The following KDM4C variants were observed in gnomAD, a reference collection of about 807,000 sequenced individuals.
The protein encoded by KDM4C is lysine-specific demethylase 4C.
KDM4C carries 81 observed loss-of-function variants against 129.3 expected under a neutral mutation model. That is an observed-to-expected ratio of 0.63 (90% confidence interval 0.52 to 0.75). The LOEUF (loss-of-function observed/expected upper bound fraction) is 0.75. Among genes scored for constraint, KDM4C ranks in the 30% least tolerant of loss-of-function variants. The pLI, the probability that KDM4C is intolerant of heterozygous loss-of-function variation, is 0.00. For synonymous variants in KDM4C, 573 were observed against 456.1 expected, an observed-to-expected ratio of 1.26 and a Z score of -3.26; for missense variants, 1,457 against 1,304.0, an observed-to-expected ratio of 1.12 and a Z score of -1.81.
chr9:6,910,167 C>T (rs1934587315), intron 8 of KDM4C, among the ~76,000 whole-genome samples: 1 of 151,938 alleles, frequency 6.6e-6, no homozygotes, highest in Non-Finnish European at 1.5e-5. Flanking sequence ...CCTTCAGATG[C>T]CATGAGGTTA....
In KDM4C at chr9:7,165,245, ACTGT is replaced by A. The variant is rs1281043847; in HGVS notation, c.2793_2796del (p.Cys931Ter). On this transcript the variant is annotated frameshift_variant, in exon 20 of 22. Coordinates refer to ENST00000381309, the MANE Select transcript of KDM4C (RefSeq NM_015061.6). LOFTEE classifies it high-confidence loss of function. The stretch of plus-strand genomic sequence containing the variant: ...TCTCTGTTTATTCTGCAGAGCCGAG[ACTGT>A]CTGAAGCTGGGCCCACCTGCTGAGG... 1 of 1,614,000 alleles carries A rather than the reference ACTGT, an allele frequency of 6.2e-7. No homozygotes were observed. The highest frequency in any genetic ancestry group is 8.5e-7 in the Non-Finnish European group (1 of 1,180,018).
intron 19 of KDM4C, among the ~76,000 whole-genome samples, chr9:7,140,078 GATCTT>G (rs1841587604): frequency 6.6e-6 from 1 of 152,164 alleles, no homozygotes; most frequent in African/African-American, 2.4e-5. Context: ...TCACTCCTGA[GATCTT>G]ATCCAGAAGC....
chr9:7,119,474 C>T (rs1323803726), intron 18 of KDM4C, among the ~76,000 whole-genome samples: 1 of 151,994 alleles, frequency 6.6e-6, no homozygotes, highest in African/African-American at 2.4e-5. Flanking sequence ...ATCATATTAC[C>T]ATTTTAACAG....
chr9:6,752,430 G>A (rs1396684861), intron 1 of KDM4C, among the ~76,000 whole-genome samples: 3 of 140,736 alleles, frequency 2.1e-5, no homozygotes, highest in African/African-American at 5.3e-5. Context: ...TTTTTTTTCC[G>A]GTGGAGTTTC....
At chr9:6,809,884 G>T (rs1213009200) in intron 3 of KDM4C, among the ~76,000 whole-genome samples, 2 of 152,030 alleles carry the variant, frequency 1.3e-5, no homozygotes, top group Non-Finnish European at 2.9e-5. Context: ...GTAGTCTCAG[G>T]TACTCAGGAG....
chr9:7,154,583 C>G (rs1314543021), intron 19 of KDM4C, among the ~76,000 whole-genome samples: 1 of 152,174 alleles, frequency 6.6e-6, no homozygotes, highest in Non-Finnish European at 1.5e-5. Flanking sequence ...ATCAGACTGG[C>G]AGATGAATTT....
chr9:6,790,826 G>A (rs1266252818), intron 1 of KDM4C, among the ~76,000 whole-genome samples: 1 of 152,104 alleles, frequency 6.6e-6, no homozygotes, highest in African/African-American at 2.4e-5. Context: ...CTGTGTGCCT[G>A]TCTCATGATA....
intron 4 of KDM4C, among the ~76,000 whole-genome samples, chr9:6,842,547 C>A (rs1220749088): frequency 6.6e-5 from 10 of 151,846 alleles, no homozygotes; most frequent in Non-Finnish European, 5.9e-5. Flanking sequence ...CCATGTTGAC[C>A]AGGGTAGTCT....
chr9:6,738,949 G>A (rs752938879), intron 1 of KDM4C, among the ~76,000 whole-genome samples: 3 of 151,748 alleles, frequency 2.0e-5, no homozygotes, highest in Non-Finnish European at 4.4e-5. Context: ...GGCTGGTCTC[G>A]AAATCCTGGG....
intron 17 of KDM4C, chr9:7,076,877 A>G: frequency 1.0e-6 from 1 of 995,706 alleles, no homozygotes; most frequent in Non-Finnish European, 1.2e-6. Flanking sequence ...AATGATTTGG[A>G]TGCATCCTGA....
At chr9:7,000,275 T>C (rs1361843288) in intron 12 of KDM4C, among the ~76,000 whole-genome samples, 1 of 152,208 alleles carries the variant, frequency 6.6e-6, no homozygotes, top group African/African-American at 2.4e-5. Flanking sequence ...GCTAGTGGCT[T>C]GGTCAGGTTT....
rs1386971628 is a variant in KDM4C at position 6,981,113 on chromosome 9, C to T, written c.1110C>T (p.Ser370=). The change falls in exon 9 of 22, where the codon TCC becomes TCT. Residue 370 remains serine (S), a synonymous_variant. Coordinates refer to ENST00000381309, the MANE Select transcript of KDM4C (RefSeq NM_015061.6). ...GGAGGAGGAAAGTAAGAAAAGCATC[C>T]CGAAGGTAATGACCCCTCACCCCAC... is the stretch of plus-strand genomic sequence containing the variant. ...LQRRRKVRKA[S]RSFQCARSTS... is the part of the protein sequence containing the mutation. The T allele has an allele frequency of 6.2e-7, 1 of 1,610,746 alleles. No homozygotes were observed. The highest frequency in any genetic ancestry group is 1.1e-5 in the South Asian group (1 of 90,656).
At chr9:6,875,345 G>A (rs1004346750) in intron 5 of KDM4C, among the ~76,000 whole-genome samples, 1 of 152,130 alleles carries the variant, frequency 6.6e-6, no homozygotes, top group African/African-American at 2.4e-5. Context: ...GTGGACACCT[G>A]CATGTGAGAT....
intron 6 of KDM4C, 123 bp from the exon 7 acceptor site, chr9:6,887,837 C>T (rs1845523226): frequency 1.1e-5 from 7 of 617,976 alleles, no homozygotes; most frequent in South Asian, 1.8e-5. Flanking sequence ...GGCTTTTTGG[C>T]AGAAGAGGTC....
At chr9:6,781,863 A>G (rs1405903999) in intron 1 of KDM4C, among the ~76,000 whole-genome samples, 1 of 150,144 alleles carries the variant, frequency 6.7e-6, no homozygotes, top group Non-Finnish European at 1.5e-5. Context: ...TCTTGTGCCC[A>G]GGCTGGCTGG....
At chr9:6,977,486 T>C (rs948078739) in intron 8 of KDM4C, among the ~76,000 whole-genome samples, 1 of 152,208 alleles carries the variant, frequency 6.6e-6, no homozygotes, top group South Asian at 2.1e-4. Flanking sequence ...TGTTGCCATG[T>C]AATACCAAGC....
intron 4 of KDM4C, among the ~76,000 whole-genome samples, chr9:6,848,875 T>G (rs1838330844): frequency 6.6e-6 from 1 of 152,176 alleles, no homozygotes; most frequent in South Asian, 2.1e-4. Flanking sequence ...AATTTTTCCA[T>G]TAACATAAGA....
At chr9:6,759,407 A>G (rs1818937076) in intron 1 of KDM4C, among the ~76,000 whole-genome samples, 1 of 152,170 alleles carries the variant, frequency 6.6e-6, no homozygotes, top group Admixed American at 6.6e-5. Flanking sequence ...TTTATTAGGA[A>G]GCAGTCGGCT....
intron 1 of KDM4C, chr9:6,726,838 C>G (rs1335210443): frequency 6.6e-6 from 1 of 152,212 alleles, no homozygotes; most frequent in Non-Finnish European, 1.5e-5. Flanking sequence ...CAGGTTCAAG[C>G]AATTCTCCTC....
Sources: gnomAD v4.1 joint callset for allele counts (sites outside exome capture counted in the v4.1 genomes callset) on GRCh38, gnomAD v4.1.1 for gene constraint, MANE v1.5 for transcripts, NCBI Gene and HGNC (gene_info 2026-07-23, HGNC 2026-07-21) for gene names.